The following DENND5A variants were observed in gnomAD, a reference collection of about 807,000 sequenced individuals.
DENND5A encodes the protein DENN domain-containing protein 5A.
In DENND5A, 64 loss-of-function variants were observed where a neutral mutation model predicts 140.3. That is an observed-to-expected ratio of 0.46 (90% CI 0.37 to 0.56). The LOEUF (loss-of-function observed/expected upper bound fraction) is 0.56, where lower values mean the gene tolerates loss of function less well. Among genes scored for constraint, DENND5A ranks in the 20% least tolerant of loss-of-function variants. The pLI, the probability that DENND5A is intolerant of heterozygous loss-of-function variation, is 0.00. For synonymous variants in DENND5A, 605 were observed against 607.7 expected (o/e 1.00, Z 0.07); for missense variants, 1,292 against 1,593.8 (o/e 0.81, Z 3.22).
Position 9,150,086 on chromosome 11 carries a change from G to A in DENND5A, c.2730C>T (p.Leu910=). 2 of 1,611,692 alleles carry A rather than the reference G, an allele frequency of 1.2e-6. No individual in the cohort carries two copies. The highest frequency in any genetic ancestry group is 1.7e-6 in the Non-Finnish European group (2 of 1,178,890). ...TCCTGGCGGAGCAGCCTTACTTGGT[G>A]AGCTCATGGTCTGAGAGGAGCTGCT... ...HLKQLLSDHE[L]TKKLYKRYAF... The change falls in exon 15 of 23, where the codon CTC becomes CTT. Residue 910 remains leucine, a synonymous_variant. Transcript: ENST00000328194.
At chr11:9,234,536 T>C (rs549504865) in intron 1 of DENND5A, among the ~76,000 whole-genome samples, 1 of 152,104 alleles carries the variant, frequency 6.6e-6, no homozygotes, top group South Asian at 2.1e-4. Context: ...AATCTGGCCA[T>C]AAACTGGCCC....
At chr11:9,205,039 A>G (rs998716584) in intron 3 of DENND5A, among the ~76,000 whole-genome samples, 1 of 152,250 alleles carries the variant, frequency 6.6e-6, no homozygotes, top group Admixed American at 6.5e-5. Flanking sequence ...AGATGATGCT[A>G]GAAATATATC....
intron 5 of DENND5A, among the ~76,000 whole-genome samples, chr11:9,184,537 G>T (rs1336373518): frequency 6.6e-6 from 1 of 152,144 alleles, no homozygotes; most frequent in Non-Finnish European, 1.5e-5. Flanking sequence ...GTATTCCAAA[G>T]TGGTTGCAAC....
At chr11:9,177,868 T>C (rs1425256879) in intron 8 of DENND5A, 1 of 358,902 alleles carries the variant, frequency 2.8e-6, no homozygotes, top group Non-Finnish European at 5.1e-6. Context: ...TTCTTGCTAA[T>C]ATAAGAAAAA....
chr11:9,259,730 A>G (rs545866830), intron 1 of DENND5A, among the ~76,000 whole-genome samples: 12 of 151,982 alleles, frequency 7.9e-5, no homozygotes, highest in African/African-American at 2.9e-4. Flanking sequence ...TAAAGGTGAC[A>G]TTAAGAGACT....
chr11:9,239,977 T>G (rs372307281), intron 1 of DENND5A, among the ~76,000 whole-genome samples: 4 of 152,318 alleles, frequency 2.6e-5, no homozygotes, highest in South Asian at 4.1e-4. Context: ...TCATAGAGAT[T>G]ATGTTTTTGT....
rs1159640530 is a variant in DENND5A at position 9,221,677 on chromosome 11, T to C, written c.110-14045A>G. 2.6e-5 allele frequency among the ~76,000 whole-genome samples: 4 copies of C among 151,818 alleles called. No homozygotes were observed. The East Asian group carries it at 7.8e-4, about 30-fold the overall frequency. On this transcript the variant is annotated intron_variant, in intron 1 of 22. Coordinates refer to ENST00000328194, the MANE Select transcript of DENND5A (RefSeq NM_015213.4). Reference sequence around the variant, plus strand: ...CACCGCGCCCAGCCAACCCCATGTATATTTCTAGTTATTACAAGGAAATCA... The same window carrying C: ...CACCGCGCCCAGCCAACCCCATGTACATTTCTAGTTATTACAAGGAAATCA...
intron 12 of DENND5A, among the ~76,000 whole-genome samples, chr11:9,156,253 A>T (rs991883901): frequency 6.6e-6 from 1 of 151,888 alleles, no homozygotes; most frequent in East Asian, 1.9e-4. Context: ...ACAGATCCTC[A>T]CTCTCCTCTG....
At position 9,145,092 on chromosome 11, in the gene DENND5A, T is replaced by G. The variant is rs780197393; in HGVS notation, c.3025A>C (p.Thr1009Pro). The G allele has an allele frequency of 6.2e-7, 1 of 1,613,770 alleles. No homozygotes were observed. The highest frequency in any genetic ancestry group is 8.5e-7 in the Non-Finnish European group (1 of 1,179,660). ...TFECQNLGKLTTVQIGHDNSG... is the reference protein window; with the variant it reads ...TFECQNLGKLPTVQIGHDNSG... ...TTATCATGGCCAATCTGGACAGTAG[T>G]AAGCTTCCCCAAGTTCTGGCACTAT... The change falls in exon 18 of 23, where the codon ACT (threonine) becomes CCT (proline). Residue 1009 changes from threonine (T) to proline (P), a missense_variant. Thr to Pro is a conservative substitution (Grantham distance 38, BLOSUM62 -1). Around this residue, in one of 4 missense-constraint regions of DENND5A, gnomAD observed 498 missense variants for 689.7 expected, o/e 0.72. Transcript: ENST00000328194.
chr11:9,170,550 A>G (rs929327086), intron 9 of DENND5A, 77 bp downstream of exon 9: 8 of 1,546,884 alleles, frequency 5.2e-6, no homozygotes, highest in Non-Finnish European at 7.1e-6. Flanking sequence ...TTCTAGGGGT[A>G]ACAGCCCTAG....
chr11:9,255,661 C>T (rs187227787), intron 1 of DENND5A, among the ~76,000 whole-genome samples: 24 of 152,202 alleles, frequency 1.6e-4, no homozygotes, highest in African/African-American at 5.5e-4. Context: ...GTCAGGAGTT[C>T]GAGACCAGCC....
intron 1 of DENND5A, among the ~76,000 whole-genome samples, chr11:9,211,322 T>G (rs1345530085): frequency 6.6e-6 from 1 of 152,066 alleles, no homozygotes; most frequent in African/African-American, 2.4e-5. Flanking sequence ...GAAACACGCA[T>G]GCATGGAGAA....
chr11:9,143,540 G>A, intron 19 of DENND5A, 55 bp from the exon 20 acceptor site: 1 of 1,439,790 alleles, frequency 6.9e-7, no homozygotes. Context: ...ACAGTGCTTA[G>A]CTGCCTGAGC....
chr11:9,227,889 G>A lies in DENND5A; in HGVS notation c.110-20257C>T, dbSNP rs974968635. ...TTGGGAGGCCGTGGGGGCGGGTGGCGAATCACGAGGTCAGGGGTTCGAGAC... is the reference window on the plus strand; with the variant it reads ...TTGGGAGGCCGTGGGGGCGGGTGGCAAATCACGAGGTCAGGGGTTCGAGAC... On this transcript the variant is annotated intron_variant, in intron 1 of 22. Coordinates refer to ENST00000328194, the MANE Select transcript of DENND5A (RefSeq NM_015213.4). Among the ~76,000 whole-genome samples, 9 of 151,802 alleles carry A rather than the reference G, an allele frequency of 5.9e-5. No individual in the cohort carries two copies. In the East Asian group the frequency reaches 1.2e-3, roughly 20 times the overall value.
intron 2 of DENND5A, 61 bp from the exon 3 acceptor site, chr11:9,206,843 A>C (rs1337383626): frequency 8.0e-7 from 1 of 1,256,854 alleles, no homozygotes; most frequent in Non-Finnish European, 1.2e-6. Flanking sequence ...ACAGGGTTAT[A>C]AATGTCTGAG....
At chr11:9,258,909 C>T (rs1043684563) in intron 1 of DENND5A, among the ~76,000 whole-genome samples, 1 of 152,172 alleles carries the variant, frequency 6.6e-6, no homozygotes, top group Non-Finnish European at 1.5e-5. Flanking sequence ...GACTAGTCCT[C>T]TAGCTTTCCT....
intron 1 of DENND5A, among the ~76,000 whole-genome samples, chr11:9,257,673 A>G (rs111941022): frequency 0.17 from 25,102 of 151,172 alleles, 2,373 homozygotes; most frequent in Non-Finnish European, 0.22. Context: ...TAGTAGAGAC[A>G]GGGTTTCACC....
At chr11:9,194,459 C>T (rs887190784) in intron 4 of DENND5A, among the ~76,000 whole-genome samples, 13 of 151,694 alleles carry the variant, frequency 8.6e-5, no homozygotes, top group African/African-American at 2.4e-4. Flanking sequence ...ATCCCAGCTA[C>T]TTGGGAGGCT....
chr11:9,157,432 T>C (rs1315732536), intron 12 of DENND5A, among the ~76,000 whole-genome samples: 2 of 152,184 alleles, frequency 1.3e-5, no homozygotes, highest in African/African-American at 2.4e-5. Context: ...TCATTATTCA[T>C]GTAATAAGCC....
Sources: gnomAD v4.1 joint callset for allele counts (sites outside exome capture counted in the v4.1 genomes callset) on GRCh38, gnomAD v4.1.1 for gene constraint, gnomAD v4.1.1 regional missense constraint, MANE v1.5 for transcripts, NCBI Gene and HGNC (gene_info 2026-07-23, HGNC 2026-07-21) for gene names.